The following FAM83F variants were observed in gnomAD, a reference collection of about 807,000 sequenced individuals.
FAM83F encodes scaffolding CK1 anchoring protein F, also known as protein FAM83F.
Under a neutral mutation model 42.9 loss-of-function variants are expected in FAM83F, and 45 were observed. The ratio of observed to expected loss-of-function variants is 1.05; its 90% CI spans 0.83 to 1.35. The LOEUF (loss-of-function observed/expected upper bound fraction) is 1.35. FAM83F is among the 40% of genes most tolerant of loss of function. FAM83F has a pLI of 0.00. For missense variants in FAM83F, 617 were observed against 695.9 expected, an observed-to-expected ratio of 0.89 and a Z score of 1.28; for synonymous variants, 306 against 298.3, an observed-to-expected ratio of 1.03 and a Z score of -0.27.
chr22:39,999,495 C>T (rs1211510124), intron 1 of FAM83F, among the ~76,000 whole-genome samples: 1 of 152,246 alleles, frequency 6.6e-6, no homozygotes, highest in Non-Finnish European at 1.5e-5. Context: ...ACCAGCTCAT[C>T]TTGGTTTATC....
In FAM83F at chr22:40,040,560, G is replaced by A. The variant is rs1241282278; in HGVS notation, c.*10995G>A. 1 of 152,246 alleles carries A rather than the reference G, an allele frequency of 6.6e-6. No individual in the cohort carries two copies. Among genetic ancestry groups the A allele is most frequent in the Non-Finnish European group, 1.5e-5 (1 of 68,052 alleles). 9.4% of individuals were successfully genotyped at this position (152,246 alleles called of 1,614,324 possible). A position where few individuals can be genotyped will look rare whatever the true frequency, so the allele number is the denominator to read the frequency against. Reference sequence around the variant, plus strand: ...TGCTGCTTAACTAAGTAGCTTCTCAGGAAGTGTGGTCATAAAAAATGATAG... The same window carrying A: ...TGCTGCTTAACTAAGTAGCTTCTCAAGAAGTGTGGTCATAAAAAATGATAG... On this transcript the variant is annotated 3_prime_UTR_variant, in exon 5 of 5. Transcript: ENST00000333407.
chr22:40,002,798 C>CA (rs2067409089), intron 1 of FAM83F, among the ~76,000 whole-genome samples: 1 of 152,292 alleles, frequency 6.6e-6, no homozygotes, highest in South Asian at 2.1e-4. Flanking sequence ...GTGATGCGTG[C>CA]AGTAAAAGGG....
rs980833758 is a variant in FAM83F at position 40,019,856 on chromosome 22, A to G, written c.658-31A>G. The G allele has an allele frequency of 1.9e-6, 3 of 1,588,214 alleles. No individual in the cohort carries two copies. The African/African-American group carries it at 4.1e-5, about 22-fold the overall frequency. The stretch of plus-strand genomic sequence containing the variant: ...CCTGGCACGGAGGCTGGCCCAACCC[A>G]GGTGACAGGGCCTTCTGCTCTTCCC... On this transcript the variant is annotated intron_variant, in intron 2 of 4. Transcript: ENST00000333407.
rs2067521395 is a variant in FAM83F, at chr22:40,021,523, G to A, written c.1013G>A (p.Gly338Glu). 3 of 1,574,448 alleles carry A rather than the reference G, an allele frequency of 1.9e-6. No homozygotes were observed. The highest frequency in any genetic ancestry group is 2.6e-6 in the Non-Finnish European group (3 of 1,154,958). Reference sequence around the variant, plus strand: ...GTGTCAGGCTGCCGCCACCCGCCTGGGGAGATGATGCGCTGGGCTGCCCGG... The same window carrying A: ...GTGTCAGGCTGCCGCCACCCGCCTGAGGAGATGATGCGCTGGGCTGCCCGG... ...ALVSGCRHPPGEMMRWAARQQ... is the reference protein window; with the variant it reads ...ALVSGCRHPPEEMMRWAARQQ... Residue 338 changes from glycine to glutamate, a missense_variant, in exon 4 of 5, where the codon GGG becomes GAG. Transcript: ENST00000333407. This position sits in a 1 kb window ranked among gnomAD's most constrained non-coding sequence, Gnocchi z 8.7.
At chr22:40,020,197 G>A (rs2067512236) in intron 3 of FAM83F, among the ~76,000 whole-genome samples, 189 bp downstream of exon 3, 1 of 152,114 alleles carries the variant, frequency 6.6e-6, no homozygotes, top group Admixed American at 6.6e-5. Context: ...TCTAAAAAGA[G>A]GGTCAACTCT....
chr22:40,012,933 A>G (rs964535203), intron 1 of FAM83F, among the ~76,000 whole-genome samples: 3 of 149,834 alleles, frequency 2.0e-5, no homozygotes, highest in Non-Finnish European at 3.0e-5. Context: ...AAAAAAAAAA[A>G]TTAGCCAGGC....
intron 1 of FAM83F, among the ~76,000 whole-genome samples, chr22:40,006,366 A>T (rs1404052917): frequency 1.3e-5 from 2 of 152,198 alleles, no homozygotes; most frequent in African/African-American, 4.8e-5. Context: ...CATTCTGTTT[A>T]GATCGATGGC....
chr22:40,011,563 C>T (rs895956564), intron 1 of FAM83F, among the ~76,000 whole-genome samples: 6 of 152,160 alleles, frequency 3.9e-5, no homozygotes, highest in Admixed American at 3.3e-4. Flanking sequence ...TTAGAGTGGA[C>T]ACATGTCGCT....
chr22:40,015,891 A>T (rs1288305266), intron 1 of FAM83F, among the ~76,000 whole-genome samples: 1 of 152,218 alleles, frequency 6.6e-6, no homozygotes, highest in African/African-American at 2.4e-5. Context: ...GTTGTAGCTT[A>T]TCTGTCTTTA....
intron 1 of FAM83F, among the ~76,000 whole-genome samples, chr22:40,006,006 G>A (rs905853459): frequency 6.6e-6 from 1 of 152,206 alleles, no homozygotes; most frequent in Non-Finnish European, 1.5e-5. Context: ...GTGGGAGGCC[G>A]AGGCGGGCAG....
chr22:39,998,616 C>T (rs1013181949), intron 1 of FAM83F, among the ~76,000 whole-genome samples: 2 of 152,124 alleles, frequency 1.3e-5, no homozygotes, highest in Non-Finnish European at 2.9e-5. Context: ...GGCTGAGCGG[C>T]CTGTACCCTG....
At chr22:40,001,420 C>T (rs1296921769) in intron 1 of FAM83F, among the ~76,000 whole-genome samples, 25 of 152,152 alleles carry the variant, frequency 1.6e-4, no homozygotes, top group Non-Finnish European at 1.5e-5. Flanking sequence ...GGGCAGATCG[C>T]TTGAGCTGAA....
intron 1 of FAM83F, among the ~76,000 whole-genome samples, chr22:40,006,618 G>A (rs2067430410): frequency 6.6e-6 from 1 of 152,220 alleles, no homozygotes; most frequent in African/African-American, 2.4e-5. Flanking sequence ...GGGCCTGCTG[G>A]GTGAGTTTGG....
At chr22:40,020,357 A>AT (rs552816341) in intron 3 of FAM83F, among the ~76,000 whole-genome samples, 27,141 of 116,352 alleles carry the variant, frequency 0.23, 3,940 homozygotes, top group Non-Finnish European at 0.29. Flanking sequence ...TGTCGCCAGA[A>AT]TTTTTTTTTT....
Position 39,995,474 on chromosome 22 carries a change from C to A in FAM83F, c.432C>A (p.Asp144Glu). Residue 144 changes from aspartate (D) to glutamate (E), a missense_variant, in exon 1 of 5, where the codon GAC becomes GAA. Asp to Glu is a conservative substitution (Grantham distance 45). Transcript: ENST00000333407. This position sits in a 1 kb window ranked among gnomAD's most constrained non-coding sequence, Gnocchi z 4.6. ...RVTLFTHPPK[D>E]EKAPHLKQVV... The stretch of plus-strand genomic sequence containing the variant: ...CGCTCTTCACCCACCCGCCCAAGGA[C>A]GAGAAGGCGCCGCACCTCAAGCAGG... 6.3e-7 allele frequency: 1 copy of A among 1,577,468 alleles called. No individual in the cohort carries two copies.
chr22:40,010,948 G>A (rs993142283), intron 1 of FAM83F, among the ~76,000 whole-genome samples: 5 of 152,182 alleles, frequency 3.3e-5, no homozygotes, highest in Admixed American at 6.5e-5. Flanking sequence ...TGGAGGACTC[G>A]AAGGTGGTTT....
intron 3 of FAM83F, 24 bp downstream of exon 3, chr22:40,020,032 G>A: frequency 5.0e-6 from 8 of 1,591,448 alleles, no homozygotes; most frequent in Non-Finnish European, 6.8e-6. Flanking sequence ...GATCAAAGAA[G>A]GGCCCAGGAG....
chr22:40,011,064 A>ACCTTTCTCCTTCCCTCCCACT, intron 1 of FAM83F, among the ~76,000 whole-genome samples: 1 of 151,862 alleles, frequency 6.6e-6, no homozygotes, highest in Non-Finnish European at 1.5e-5. Flanking sequence ...CTCATACTTT[A>ACCTTTCTCCTTCCCTCCCACT]CCTTTCTCCT....
chr22:40,020,723 C>T (rs1362547623), intron 3 of FAM83F, among the ~76,000 whole-genome samples: 1 of 151,960 alleles, frequency 6.6e-6, no homozygotes, highest in Non-Finnish European at 1.5e-5. Context: ...CTCTGCCCTC[C>T]AAGTAAATTA....
Sources: gnomAD v4.1 joint callset for allele counts (sites outside exome capture counted in the v4.1 genomes callset) on GRCh38, gnomAD v4.1.1 for gene constraint, Gnocchi (gnomAD v3.1) non-coding constraint, MANE v1.5 for transcripts, NCBI Gene and HGNC (gene_info 2026-07-23, HGNC 2026-07-21) for gene names.